Variants in SLC9C1 observed in about 807,000 individuals in gnomAD.
SLC9C1 encodes sodium/hydrogen exchanger 10.
Under a neutral mutation model 140.9 loss-of-function variants are expected in SLC9C1, and 97 were observed. The observed-to-expected ratio is 0.69, with a 90% CI of 0.58 to 0.82. SLC9C1 has a LOEUF of 0.82. Among genes scored for constraint, SLC9C1 ranks in the 40% least tolerant of loss-of-function variants. SLC9C1 has a pLI of 0.00. For missense variants in SLC9C1, 1,340 were observed against 1,389.3 expected, an observed-to-expected ratio of 0.96 and a Z score of 0.56; for synonymous variants, 440 against 442.6, an observed-to-expected ratio of 0.99 and a Z score of 0.07.
intron 13 of SLC9C1, among the ~76,000 whole-genome samples, chr3:112,225,483 TA>T (rs2078658455): frequency 6.6e-6 from 1 of 151,868 alleles, no homozygotes; most frequent in Admixed American, 6.6e-5. Flanking sequence ...CAAACCTTAT[TA>T]TTACAGAAAA....
At chr3:112,273,522 T>C (rs75012883) in intron 6 of SLC9C1, among the ~76,000 whole-genome samples, 3,294 of 152,092 alleles carry the variant, frequency 0.022, 104 homozygotes, top group South Asian at 0.12. Flanking sequence ...TATGCCCAAG[T>C]GGGGTAACTG....
At chr3:112,250,034 G>C (rs1038287687) in intron 10 of SLC9C1, among the ~76,000 whole-genome samples, 3 of 151,572 alleles carry the variant, frequency 2.0e-5, no homozygotes, top group Non-Finnish European at 4.4e-5. Context: ...TTTAGCATTA[G>C]GTATATCTCC....
intron 26 of SLC9C1, among the ~76,000 whole-genome samples, chr3:112,165,292 C>G (rs887499320): frequency 1.3e-5 from 2 of 152,340 alleles, no homozygotes; most frequent in Admixed American, 6.5e-5. Context: ...ATTCTCCATC[C>G]AGCTTTGTTC....
chr3:112,166,418 C>T (rs1261174094), intron 26 of SLC9C1, among the ~76,000 whole-genome samples: 2 of 152,162 alleles, frequency 1.3e-5, no homozygotes, highest in Non-Finnish European at 2.9e-5. Flanking sequence ...AATGTGCATC[C>T]TTCGAGCTGG....
intron 10 of SLC9C1, among the ~76,000 whole-genome samples, chr3:112,246,798 G>A (rs928915760): frequency 6.6e-6 from 1 of 152,168 alleles, no homozygotes; most frequent in African/African-American, 2.4e-5. Context: ...TGGTGCCATA[G>A]CCCTTCATAG....
At chr3:112,166,294 C>T (rs1576250435) in intron 26 of SLC9C1, among the ~76,000 whole-genome samples, 1 of 152,228 alleles carries the variant, frequency 6.6e-6, no homozygotes, top group Admixed American at 6.5e-5. Context: ...CACTTTCTGA[C>T]ACTCCCCAGT....
intron 12 of SLC9C1, 54 bp downstream of exon 12, chr3:112,239,786 C>A: frequency 7.0e-7 from 1 of 1,436,824 alleles, no homozygotes; most frequent in Admixed American, 2.2e-5. Context: ...CTGATTTATA[C>A]TTCAGTATAA....
chr3:112,290,102 C>T (rs763872072), intron 1 of SLC9C1, among the ~76,000 whole-genome samples: 2 of 152,210 alleles, frequency 1.3e-5, no homozygotes, highest in Non-Finnish European at 2.9e-5. Context: ...TTGCTCTTAA[C>T]ATCAAACTAT....
chr3:112,178,297 C>A (rs918752159), intron 23 of SLC9C1, among the ~76,000 whole-genome samples: 7 of 151,830 alleles, frequency 4.6e-5, no homozygotes, highest in Non-Finnish European at 1.0e-4. Flanking sequence ...TGTCACCATG[C>A]CTGGCTAATT....
intron 26 of SLC9C1, among the ~76,000 whole-genome samples, chr3:112,158,281 G>A (rs890952239): frequency 6.6e-6 from 1 of 151,832 alleles, no homozygotes. Flanking sequence ...AATGATCATA[G>A]GGTTTTCATC....
intron 20 of SLC9C1, among the ~76,000 whole-genome samples, chr3:112,183,294 T>C (rs2077472120): frequency 6.6e-6 from 1 of 151,684 alleles, no homozygotes; most frequent in Non-Finnish European, 1.5e-5. Context: ...GTATTGGTAT[T>C]TCATTTGGGT....
At chr3:112,174,530 C>A (rs1035690419) in intron 23 of SLC9C1, among the ~76,000 whole-genome samples, 2 of 152,148 alleles carry the variant, frequency 1.3e-5, no homozygotes, top group Non-Finnish European at 2.9e-5. Flanking sequence ...CTCTAGGAGC[C>A]TCTCCCTGGG....
intron 13 of SLC9C1, among the ~76,000 whole-genome samples, chr3:112,228,067 A>C (rs932306990): frequency 3.3e-5 from 5 of 152,120 alleles, no homozygotes; most frequent in African/African-American, 1.2e-4. Flanking sequence ...ATGGAACCTC[A>C]AAAGACCTCA....
Position 112,262,995 on chromosome 3 carries a change from G to A in SLC9C1, c.1126C>T (p.Pro376Ser), listed in dbSNP as rs148170229. The A allele has an allele frequency of 8.7e-6, 14 of 1,605,942 alleles. No individual in the cohort carries two copies. In the African/African-American group the frequency reaches 1.6e-4, roughly 19 times the overall value. The change falls in exon 10 of 29, where the codon CCT (proline) becomes TCT (serine). Residue 376 changes from proline to serine, a missense_variant. Pro to Ser is a moderately conservative substitution (Grantham distance 74, BLOSUM62 -1). Coordinates refer to ENST00000305815, the MANE Select transcript of SLC9C1 (RefSeq NM_183061.3). ...IMVCSEMKGM[P>S]NINMALLLAY... Reference sequence around the variant, plus strand: ...AGCAGAAGGGCCATGTTTATATTAGGCATCCCCTTCATTTCACTACAGACC... The same window carrying A: ...AGCAGAAGGGCCATGTTTATATTAGACATCCCCTTCATTTCACTACAGACC...
At chr3:112,254,286 A>G (rs191876473) in intron 10 of SLC9C1, among the ~76,000 whole-genome samples, 28 of 152,270 alleles carry the variant, frequency 1.8e-4, no homozygotes, top group Non-Finnish European at 2.8e-4. Flanking sequence ...ACACACAATC[A>G]TCAGATTTTA....
At chr3:112,185,551 G>A (rs2077518537) in intron 20 of SLC9C1, 9 of 1,613,014 alleles carry the variant, frequency 5.6e-6, no homozygotes, top group Admixed American at 1.7e-5. Context: ...GGCGATCTCC[G>A]CAGCACACAC....
chr3:112,207,046 A>C (rs2078072948), intron 16 of SLC9C1, among the ~76,000 whole-genome samples: 1 of 152,184 alleles, frequency 6.6e-6, no homozygotes, highest in African/African-American at 2.4e-5. Context: ...TATACTAGTA[A>C]ATGATCATAC....
chr3:112,229,441 C>T (rs1399097535), intron 13 of SLC9C1, among the ~76,000 whole-genome samples: 1 of 151,912 alleles, frequency 6.6e-6, no homozygotes, highest in East Asian at 1.9e-4. Flanking sequence ...CATTGTGCCT[C>T]ATAAATATGT....
intron 11 of SLC9C1, among the ~76,000 whole-genome samples, chr3:112,241,330 A>G (rs1286928833): frequency 7.3e-6 from 1 of 137,378 alleles, no homozygotes; most frequent in Non-Finnish European, 1.6e-5. Context: ...AAACATTTTA[A>G]AAATAAAAAA....
Sources: allele counts gnomAD v4.1 joint callset (sites outside exome capture counted in the v4.1 genomes callset), GRCh38; gene constraint gnomAD v4.1.1; transcripts MANE v1.5; gene names NCBI Gene and HGNC (gene_info 2026-07-23, HGNC 2026-07-21).